The following PDXDC1 variants were observed in gnomAD, a reference collection of about 807,000 sequenced individuals.
PDXDC1 encodes the protein pyridoxal-dependent decarboxylase domain-containing protein 1.
In PDXDC1, 42 loss-of-function variants were observed where a neutral mutation model predicts 100.1. The ratio of observed to expected loss-of-function variants is 0.42; its 90% confidence interval spans 0.33 to 0.54. The LOEUF is 0.54. PDXDC1 is among the 20% of genes least tolerant of loss of function. PDXDC1 has a pLI of 0.10. For missense variants in PDXDC1, 636 were observed against 979.2 expected (o/e 0.65, Z 4.68); for synonymous variants, 260 against 371.7 (o/e 0.70, Z 3.46).
chr16:15,091,224 G>C (rs2046119082), intron 16 of PDXDC1: 2 of 1,523,302 alleles, frequency 1.3e-6, no homozygotes, highest in African/African-American at 2.8e-5. Flanking sequence ...GAGAGAGCAA[G>C]TTCTGGAGGA....
At chr16:15,095,350 G>T (rs952528814) in intron 16 of PDXDC1, among the ~76,000 whole-genome samples, 1 of 151,968 alleles carries the variant, frequency 6.6e-6, no homozygotes, top group Non-Finnish European at 1.5e-5. Context: ...AAAATATCCA[G>T]CCTGGGTGAC....
Position 15,036,149 on chromosome 16 carries a change from C to G in PDXDC1, c.2241C>G (p.Ser747Arg), listed in dbSNP as rs941666772. 1.2e-6 allele frequency: 2 copies of G among 1,614,040 alleles called. No homozygotes were observed. Among genetic ancestry groups the G allele is most frequent in the African/African-American group, 2.7e-5 (2 of 74,920 alleles). The change falls in exon 23 of 23, where the codon AGC becomes AGG. Residue 747 changes from serine (S) to arginine (R), a missense_variant. Transcript: ENST00000396410. ...CGGAGCAGATCACCCTCGAGGCCAG[C>G]AGCACTGAGGGACACCCAGGGGCTC... ...SGPEQITLEA[S>R]STEGHPGAPS...
intron 1 of PDXDC1, among the ~76,000 whole-genome samples, chr16:14,977,782 G>A (rs1393304526): frequency 2.0e-5 from 3 of 152,238 alleles, no homozygotes; most frequent in Middle Eastern, 3.2e-3. Context: ...ACTATCCTGC[G>A]TTAAATTCTA....
At chr16:15,056,339 C>T (rs1025574195) in intron 16 of PDXDC1, among the ~76,000 whole-genome samples, 1 of 152,228 alleles carries the variant, frequency 6.6e-6, no homozygotes, top group South Asian at 2.1e-4. Flanking sequence ...AGAGAGCCTC[C>T]GGGCGAGTTC....
chr16:15,038,339 C>G (rs963733364), downstream of PDXDC1: 5 of 703,354 alleles, frequency 7.1e-6, no homozygotes, highest in Non-Finnish European at 1.2e-5. Context: ...ATGAGGTGGC[C>G]TGAATTAGTA....
intron 16 of PDXDC1, among the ~76,000 whole-genome samples, chr16:15,031,344 G>T (rs942771942): frequency 5.3e-5 from 8 of 152,054 alleles, no homozygotes; most frequent in African/African-American, 1.7e-4. Flanking sequence ...CCTGTGTGGG[G>T]ACAGCAGCCC....
chr16:15,127,514 C>G (rs527291352), intron 16 of PDXDC1: 6 of 1,544,448 alleles, frequency 3.9e-6, no homozygotes, highest in Admixed American at 3.6e-5. Flanking sequence ...GCCAGGTAGA[C>G]GGGATAGACA....
chr16:15,131,531 C>G (rs1317773796), intron 16 of PDXDC1: 49 of 1,609,282 alleles, frequency 3.0e-5, no homozygotes, highest in Admixed American at 5.0e-5. Flanking sequence ...GCCACGATCT[C>G]CTCGCCCGCC....
At chr16:15,129,890 C>A in intron 16 of PDXDC1, 1 of 799,886 alleles carries the variant, frequency 1.3e-6, no homozygotes, top group Non-Finnish European at 2.2e-6. Context: ...ACCTGAGCCC[C>A]GGCCCCAGCC....
chr16:15,136,114 A>G, intron 16 of PDXDC1: 3 of 1,566,632 alleles, frequency 1.9e-6, no homozygotes, highest in South Asian at 2.2e-5. Flanking sequence ...CGAGAAGCCG[A>G]TCCACACGTC....
chr16:15,086,422 G>C (rs1317640536), intron 16 of PDXDC1: 1 of 1,613,522 alleles, frequency 6.2e-7, no homozygotes, highest in Admixed American at 1.7e-5. Flanking sequence ...TAGAAGAACG[G>C]AATTCTAGCA....
intron 16 of PDXDC1, among the ~76,000 whole-genome samples, chr16:15,064,764 A>C (rs1464529986): frequency 6.6e-6 from 1 of 152,216 alleles, no homozygotes; most frequent in Non-Finnish European, 1.5e-5. Context: ...GCATCTGGTG[A>C]AATATACGCA....
intron 16 of PDXDC1, chr16:15,044,489 G>T: frequency 1.1e-6 from 1 of 909,672 alleles, no homozygotes; most frequent in Non-Finnish European, 1.8e-6. Flanking sequence ...TTCATTCTCA[G>T]TTTCCATGAA....
Position 14,975,170 on chromosome 16 carries a change from A to G in PDXDC1, c.-30A>G, listed in dbSNP as rs1444858844. On this transcript the variant is annotated 5_prime_UTR_variant, in exon 1 of 23. Coordinates refer to ENST00000396410, the MANE Select transcript of PDXDC1 (RefSeq NM_015027.4). ...GCGGGAGGAGGAAGTAGAGCCCGGGACCGCCAGGCCACCACCGGCCGCCTC... is the reference window on the plus strand; with the variant it reads ...GCGGGAGGAGGAAGTAGAGCCCGGGGCCGCCAGGCCACCACCGGCCGCCTC... 2 of 1,460,374 alleles carry G rather than the reference A, an allele frequency of 1.4e-6. No individual in the cohort carries two copies. The highest frequency in any genetic ancestry group is 1.8e-6 in the Non-Finnish European group (2 of 1,116,598). The allele number at this position is 1,460,374 out of a possible 1,614,324, so 90.5% of individuals were successfully genotyped here. A position where few individuals can be genotyped will look rare whatever the true frequency, so the allele number is the denominator to read the frequency against.
intron 11 of PDXDC1, 147 bp downstream of exon 11, chr16:15,017,569 CTT>C: frequency 1.5e-6 from 1 of 688,654 alleles, no homozygotes; most frequent in Non-Finnish European, 2.5e-6. Context: ...ACTTGTGAGA[CTT>C]TTTTTAATGA....
At chr16:15,128,318 C>T (rs775742667) in intron 16 of PDXDC1, 39 of 1,610,024 alleles carry the variant, frequency 2.4e-5, no homozygotes, top group South Asian at 4.4e-5. Context: ...AAGGCTCTGT[C>T]GCCATCCAGG....
chr16:15,124,667 G>A (rs2047607129), intron 16 of PDXDC1, among the ~76,000 whole-genome samples: 2 of 151,498 alleles, frequency 1.3e-5, no homozygotes, highest in African/African-American at 4.8e-5. Flanking sequence ...ACCTACTTGG[G>A]AGGCTGAGGC....
downstream of PDXDC1, among the ~76,000 whole-genome samples, chr16:15,141,665 G>A (rs2048477457): frequency 6.6e-6 from 1 of 152,182 alleles, no homozygotes. Flanking sequence ...CTACACCAAG[G>A]TAGGGACACA....
intron 5 of PDXDC1, among the ~76,000 whole-genome samples, chr16:15,006,047 T>C (rs1974181776): frequency 6.6e-6 from 1 of 152,302 alleles, no homozygotes; most frequent in African/African-American, 2.4e-5. Context: ...GAAACTCTGC[T>C]ATGAACTATG....
Sources: allele counts gnomAD v4.1 joint callset (sites outside exome capture counted in the v4.1 genomes callset), GRCh38; gene constraint gnomAD v4.1.1; transcripts MANE v1.5; gene names NCBI Gene and HGNC (gene_info 2026-07-23, HGNC 2026-07-21).